CADPS: variants seen among roughly 807,000 people sequenced by gnomAD.
CADPS encodes the protein calcium-dependent secretion activator 1.
Under a neutral mutation model 167.3 loss-of-function variants are expected in CADPS, and 57 were observed. The observed-to-expected ratio is 0.34, with a 90% CI of 0.28 to 0.42. The LOEUF is 0.42. Among genes scored for constraint, CADPS ranks in the 20% least tolerant of loss-of-function variants. The pLI is 1.00. For synonymous variants in CADPS, 676 were observed against 635.3 expected, an observed-to-expected ratio of 1.06 and a Z score of -0.96; for missense variants, 1,414 against 1,738.1, an observed-to-expected ratio of 0.81 and a Z score of 3.32.
At chr3:62,816,128 C>A in intron 1 of CADPS, among the ~76,000 whole-genome samples, 1 of 152,054 alleles carries the variant, frequency 6.6e-6, no homozygotes, top group East Asian at 1.9e-4. Flanking sequence ...GCTATGAATA[C>A]TTAGCATATT....
At chr3:62,459,771 C>T (rs1277251995) in intron 26 of CADPS, among the ~76,000 whole-genome samples, 2 of 152,092 alleles carry the variant, frequency 1.3e-5, no homozygotes, top group Non-Finnish European at 2.9e-5. Context: ...CATTGCTAAC[C>T]CCCCCAGTGT....
At chr3:62,456,947 T>C (rs6792816) in intron 26 of CADPS, among the ~76,000 whole-genome samples, 19,770 of 152,044 alleles carry the variant, frequency 0.13, 1,532 homozygotes, top group African/African-American at 0.21. Flanking sequence ...AAGCAGACTC[T>C]AGCATATCAG....
At chr3:62,417,250 A>G (rs2050243130) in intron 28 of CADPS, among the ~76,000 whole-genome samples, 1 of 148,226 alleles carries the variant, frequency 6.7e-6, no homozygotes. Flanking sequence ...AAATGTACTT[A>G]ACACAATAAC....
chr3:62,512,755 A>C lies in CADPS; in HGVS notation c.2595T>G (p.Asp865Glu). ...ATGCATATACAATTGGTTCACCTGCATCCTTTTGATTCTCTATTTGAAAGA... is the reference window on the plus strand; with the variant it reads ...ATGCATATACAATTGGTTCACCTGCCTCCTTTTGATTCTCTATTTGAAAGA... ...EYAKIEENQK[D>E]AENVGRLITP... Residue 865 changes from aspartate to glutamate, a missense_variant, in exon 17 of 30, where the codon GAT (aspartate) becomes GAG (glutamate). By Grantham distance (45) the Asp-to-Glu change is conservative (BLOSUM62 2). This residue lies in a region of CADPS where 529 missense variants were observed against 629.6 expected (regional missense o/e 0.84). Coordinates refer to ENST00000383710, the MANE Select transcript of CADPS (RefSeq NM_003716.4). 1 of 1,605,470 alleles carries C rather than the reference A, an allele frequency of 6.2e-7. No individual in the cohort carries two copies.
At chr3:62,864,791 C>G (rs1209820818) in intron 1 of CADPS, among the ~76,000 whole-genome samples, 3 of 152,040 alleles carry the variant, frequency 2.0e-5, no homozygotes, top group Admixed American at 6.6e-5. Context: ...ATAACAAGAG[C>G]CAAGAATGGA....
chr3:62,717,121 ACCTC>A, intron 3 of CADPS, among the ~76,000 whole-genome samples: 1 of 152,202 alleles, frequency 6.6e-6, no homozygotes, highest in Admixed American at 6.5e-5. Flanking sequence ...CATATCATTC[ACCTC>A]TCACTCACTA....
rs1201466310 is a variant in CADPS at position 62,420,139 on chromosome 3, A to G, written c.3778-16954T>C. 6.6e-6 allele frequency among the ~76,000 whole-genome samples: 1 copy of G among 152,220 alleles called. No homozygotes were observed. The highest frequency in any genetic ancestry group is 2.4e-5 in the African/African-American group (1 of 41,458). ...TGAATAGGTAAATGGAATGCTTTACATTAAACCACACAGCTGGTTTCCAAG... is the reference window on the plus strand; with the variant it reads ...TGAATAGGTAAATGGAATGCTTTACGTTAAACCACACAGCTGGTTTCCAAG... On this transcript the variant is annotated intron_variant, in intron 28 of 29. Transcript: ENST00000383710. The surrounding 1 kb of genome is among the most constrained non-coding windows in gnomAD (Gnocchi z 4.1).
chr3:62,803,055 C>A (rs565730357), intron 1 of CADPS, among the ~76,000 whole-genome samples: 1 of 152,248 alleles, frequency 6.6e-6, no homozygotes, highest in South Asian at 2.1e-4. Context: ...ACACTGGCCT[C>A]TTCTATGCTT....
chr3:62,678,724 G>GGAGCT (rs2076683598), intron 3 of CADPS, among the ~76,000 whole-genome samples: 1 of 151,568 alleles, frequency 6.6e-6, no homozygotes, highest in African/African-American at 2.4e-5. Context: ...GAACAAAACT[G>GGAGCT]CAAAAGAGAA....
At chr3:62,746,701 C>G (rs895170705) in intron 3 of CADPS, among the ~76,000 whole-genome samples, 29 of 152,260 alleles carry the variant, frequency 1.9e-4, no homozygotes, top group African/African-American at 6.7e-4. Flanking sequence ...CTCTCTCTCT[C>G]CCTGTTGCTG....
At position 62,702,177 on chromosome 3, in the gene CADPS, T is replaced by A. The variant is rs112887559; in HGVS notation, c.889-39783A>T. ...ATCTTTGGAGAAAGTCACAAACCTC[T>A]TCCAGGGCATGTCCTTAACCTTGGC... On this transcript the variant is annotated intron_variant, in intron 3 of 29. Coordinates refer to ENST00000383710, the MANE Select transcript of CADPS (RefSeq NM_003716.4). Among the ~76,000 whole-genome samples, 40 of 152,270 alleles carry A rather than the reference T, an allele frequency of 2.6e-4. 2 individuals carry two copies. The highest frequency in any genetic ancestry group is 8.7e-4 in the African/African-American group (36 of 41,538).
intron 13 of CADPS, among the ~76,000 whole-genome samples, chr3:62,529,944 G>T (rs567484658): frequency 6.6e-6 from 1 of 152,108 alleles, no homozygotes; most frequent in Non-Finnish European, 1.5e-5. Context: ...GAAGGGCACA[G>T]AATAAAACTG....
chr3:62,588,994 G>T (rs966203070), intron 7 of CADPS, among the ~76,000 whole-genome samples: 2 of 152,156 alleles, frequency 1.3e-5, no homozygotes, highest in Non-Finnish European at 2.9e-5. Context: ...TCTGGGAAGG[G>T]ATACGAGGGT....
rs537577588 is a variant in CADPS at position 62,601,072 on chromosome 3, T to C, written c.1326-8324A>G. 6.6e-6 allele frequency among the ~76,000 whole-genome samples: 1 copy of C among 152,324 alleles called. No individual in the cohort carries two copies. The highest frequency in any genetic ancestry group is 2.4e-5 in the African/African-American group (1 of 41,574). ...GGCACATAGAAAGCACTAAAAAATG[T>C]AAGTCTTCATTTTAGGATTATAGAC... is the stretch of plus-strand genomic sequence containing the variant. On this transcript the variant is annotated intron_variant, in intron 6 of 29. Coordinates refer to ENST00000383710, the MANE Select transcript of CADPS (RefSeq NM_003716.4). The surrounding 1 kb of genome is among the most constrained non-coding windows in gnomAD (Gnocchi z 4.3).
At chr3:62,579,906 G>A (rs892159627) in intron 8 of CADPS, among the ~76,000 whole-genome samples, 3 of 152,184 alleles carry the variant, frequency 2.0e-5, no homozygotes, top group Non-Finnish European at 4.4e-5. Context: ...GCAAGTGAAG[G>A]GGAGCAGCAA....
At position 62,630,328 on chromosome 3, in the gene CADPS, T is replaced by A. The variant is rs541046759; in HGVS notation, c.1325+15394A>T. Among the ~76,000 whole-genome samples the A allele has an allele frequency of 7.7e-4, 118 of 152,270 alleles. 2 individuals carry two copies. Among genetic ancestry groups the A allele is most frequent in the South Asian group, 6.2e-3 (30 of 4,826 alleles). On this transcript the variant is annotated intron_variant, in intron 6 of 29. Coordinates refer to ENST00000383710, the MANE Select transcript of CADPS (RefSeq NM_003716.4). ...ATATATTTGAATCCGAATCTGTATT[T>A]TGCCCCAGCCTCTTTTATTTTATTT...
At chr3:62,816,978 C>T (rs780114540) in intron 1 of CADPS, among the ~76,000 whole-genome samples, 1 of 151,962 alleles carries the variant, frequency 6.6e-6, no homozygotes, top group Admixed American at 6.6e-5. Flanking sequence ...TTTTTTTTGG[C>T]CTTTCTCCAC....
intron 11 of CADPS, among the ~76,000 whole-genome samples, chr3:62,539,393 T>G (rs753701813): frequency 3.7e-4 from 57 of 152,206 alleles, no homozygotes; most frequent in Non-Finnish European, 6.9e-4. Context: ...TGCCCCAAAT[T>G]ATCATTTACT....
chr3:62,546,620 A>C (rs912073581), intron 11 of CADPS, among the ~76,000 whole-genome samples: 5 of 152,184 alleles, frequency 3.3e-5, no homozygotes, highest in Non-Finnish European at 7.3e-5. Context: ...GGATTCAACC[A>C]GCGGTGGATT....
Sources: gnomAD v4.1 joint callset for allele counts (sites outside exome capture counted in the v4.1 genomes callset) on GRCh38, gnomAD v4.1.1 for gene constraint, gnomAD v4.1.1 regional missense constraint, Gnocchi (gnomAD v3.1) non-coding constraint, MANE v1.5 for transcripts, NCBI Gene and HGNC (gene_info 2026-07-23, HGNC 2026-07-21) for gene names.